The following MAST4 variants were observed in gnomAD, a reference collection of about 807,000 sequenced individuals.
MAST4 encodes the protein microtubule associated serine/threonine kinase family member 4.
Under a neutral mutation model 162.7 loss-of-function variants are expected in MAST4, and 89 were observed. The observed-to-expected ratio is 0.55, with a 90% confidence interval of 0.46 to 0.65. MAST4 has a LOEUF of 0.65. Ranked by LOEUF, MAST4 falls within the 30% of genes least tolerant of loss-of-function variation. MAST4 has a pLI of 0.00. For missense variants in MAST4, 3,153 were observed against 3,374.0 expected (o/e 0.93, Z 1.62); for synonymous variants, 1,479 against 1,361.1 (o/e 1.09, Z -1.91).
intron 1 of MAST4, among the ~76,000 whole-genome samples, chr5:66,739,845 T>TG (rs1471591996): frequency 8.1e-6 from 1 of 123,762 alleles, no homozygotes; most frequent in Non-Finnish European, 1.7e-5. Flanking sequence ...CCATCACTCT[T>TG]GTTTTTTTTT....
chr5:67,019,627 T>A, intron 4 of MAST4, among the ~76,000 whole-genome samples: 1 of 152,238 alleles, frequency 6.6e-6, no homozygotes, highest in South Asian at 2.1e-4. Context: ...AAAACCATTA[T>A]TTAATTTTCA....
At chr5:66,679,129 A>G (rs1580175755) in intron 1 of MAST4, among the ~76,000 whole-genome samples, 1 of 152,284 alleles carries the variant, frequency 6.6e-6, no homozygotes, top group Middle Eastern at 3.4e-3. Flanking sequence ...ACCTTAATAA[A>G]GCTGGGGAGG....
intron 3 of MAST4, among the ~76,000 whole-genome samples, chr5:66,846,048 C>T (rs1412716248): frequency 6.6e-6 from 1 of 152,156 alleles, no homozygotes; most frequent in Non-Finnish European, 1.5e-5. Context: ...CTGCTGTCCT[C>T]AGTTTTTAGA....
chr5:66,613,255 G>A (rs994923990), intron 1 of MAST4, among the ~76,000 whole-genome samples: 11 of 150,912 alleles, frequency 7.3e-5, no homozygotes, highest in South Asian at 2.1e-4. Flanking sequence ...GGAACTTTTC[G>A]TTTCTGTTTG....
At chr5:66,645,065 G>C (rs924988858) in intron 1 of MAST4, among the ~76,000 whole-genome samples, 1 of 152,060 alleles carries the variant, frequency 6.6e-6, no homozygotes, top group Non-Finnish European at 1.5e-5. Flanking sequence ...AGAAAGTGTT[G>C]AGCGTGTGTC....
intron 3 of MAST4, among the ~76,000 whole-genome samples, chr5:66,864,742 G>GGAACAGTTCC (rs1429985004): frequency 6.6e-6 from 1 of 151,636 alleles, no homozygotes; most frequent in Non-Finnish European, 1.5e-5. Flanking sequence ...AATTAGGCTT[G>GGAACAGTTCC]GAACAGTTCC....
chr5:66,703,077 C>A (rs1045853250), intron 1 of MAST4, among the ~76,000 whole-genome samples: 8 of 152,118 alleles, frequency 5.3e-5, no homozygotes, highest in Non-Finnish European at 7.4e-5. Flanking sequence ...TGGCTCCCCT[C>A]CCCTGACGAG....
At chr5:67,116,302 T>G (rs1159695272) in intron 12 of MAST4, among the ~76,000 whole-genome samples, 1 of 151,904 alleles carries the variant, frequency 6.6e-6, no homozygotes, top group East Asian at 2.0e-4. Flanking sequence ...GTCTCCTCAG[T>G]TCAAGTGATT....
intron 4 of MAST4, among the ~76,000 whole-genome samples, chr5:67,026,908 G>A (rs2548584): frequency 0.15 from 22,616 of 152,026 alleles, 1,746 homozygotes; most frequent in Middle Eastern, 0.24. Context: ...GCAGATGAAA[G>A]AGAAACTCTT....
chr5:66,649,974 T>G (rs988346910), intron 1 of MAST4, among the ~76,000 whole-genome samples: 10 of 151,134 alleles, frequency 6.6e-5, no homozygotes, highest in South Asian at 6.3e-4. Context: ...CTATACCAAT[T>G]CACCTTTTTT....
At chr5:66,729,809 A>G (rs142234416) in intron 1 of MAST4, among the ~76,000 whole-genome samples, 78 of 152,316 alleles carry the variant, frequency 5.1e-4, no homozygotes, top group African/African-American at 1.7e-3. Flanking sequence ...ATAACTGATA[A>G]TAGGTAACAG....
chr5:66,698,977 CAG>C (rs1451994806), intron 1 of MAST4, among the ~76,000 whole-genome samples: 1 of 152,208 alleles, frequency 6.6e-6, no homozygotes, highest in Non-Finnish European at 1.5e-5. Context: ...CTCTGTTTGT[CAG>C]CTTTTATCTT....
intron 14 of MAST4, among the ~76,000 whole-genome samples, chr5:67,128,894 T>G (rs1274461481): frequency 6.6e-6 from 1 of 152,216 alleles, no homozygotes; most frequent in Non-Finnish European, 1.5e-5. Flanking sequence ...ATTTCAAACC[T>G]GTTCCCCCAT....
At position 67,164,838 on chromosome 5, in the gene MAST4, C is replaced by T. The variant is rs1299277743; in HGVS notation, c.5659C>T (p.Pro1887Ser). ...CCCCAGCCGAGGTCTCCAGAATTCA[C>T]CAGCAGTTTCCCTGCCTGACCCAGA... ...LPPSRGLQNS[P>S]AVSLPDPEFK... is the part of the protein sequence containing the mutation. The change falls in exon 29 of 29, where the codon CCA becomes TCA. Residue 1887 changes from proline to serine, a missense_variant. By Grantham distance (74) the Pro-to-Ser change is moderately conservative (BLOSUM62 -1). This residue lies in a region of MAST4 where 1,644 missense variants were observed against 1,495.0 expected (regional missense o/e 1.10). Transcript: ENST00000403625. This position sits in a 1 kb window ranked among gnomAD's most constrained non-coding sequence, Gnocchi z 5.3. 1.2e-6 allele frequency: 2 copies of T among 1,614,020 alleles called. No homozygotes were observed. The highest frequency in any genetic ancestry group is 2.2e-5 in the East Asian group (1 of 44,880).
At chr5:66,761,086 G>A (rs977810572) in intron 2 of MAST4, among the ~76,000 whole-genome samples, 4 of 152,130 alleles carry the variant, frequency 2.6e-5, no homozygotes, top group African/African-American at 9.7e-5. Context: ...GGTATTGCCA[G>A]TTTTAAAAAT....
At chr5:67,023,603 A>G (rs1170571375) in intron 4 of MAST4, among the ~76,000 whole-genome samples, 1 of 152,162 alleles carries the variant, frequency 6.6e-6, no homozygotes, top group Non-Finnish European at 1.5e-5. Context: ...ATGAATCTTC[A>G]TTATGTGGAT....
chr5:66,944,984 A>G (rs1194691113), intron 4 of MAST4, among the ~76,000 whole-genome samples: 2 of 152,036 alleles, frequency 1.3e-5, no homozygotes, highest in Admixed American at 6.6e-5. Context: ...CATCCTTTCC[A>G]CAGGATCTGC....
chr5:66,678,575 A>G (rs537694470), intron 1 of MAST4, among the ~76,000 whole-genome samples: 180 of 151,766 alleles, frequency 1.2e-3, no homozygotes, highest in African/African-American at 4.2e-3. Flanking sequence ...GCTCACTGCA[A>G]CCTCTGCCTC....
chr5:66,843,845 A>G (rs1041346717), intron 3 of MAST4, among the ~76,000 whole-genome samples: 8 of 152,156 alleles, frequency 5.3e-5, no homozygotes, highest in Non-Finnish European at 8.8e-5. Context: ...TACTTGGAGC[A>G]CAAAGCGGTT....
Sources: allele counts gnomAD v4.1 joint callset (sites outside exome capture counted in the v4.1 genomes callset), GRCh38; gene constraint gnomAD v4.1.1; regional missense constraint gnomAD v4.1.1; non-coding constraint Gnocchi (gnomAD v3.1); transcripts MANE v1.5; gene names NCBI Gene and HGNC (gene_info 2026-07-23, HGNC 2026-07-21).